Variants in DOK6 observed in about 807,000 individuals in gnomAD.
The protein encoded by DOK6 is downstream of tyrosine kinase 6.
A neutral mutation model predicts 44.0 loss-of-function variants in DOK6; 22 were observed. The observed-to-expected ratio is 0.50, with a 90% CI of 0.36 to 0.71. The LOEUF (loss-of-function observed/expected upper bound fraction) is 0.71. Ranked by LOEUF, DOK6 falls within the 30% of genes least tolerant of loss-of-function variation. The pLI is 0.00. For missense variants in DOK6, 340 were observed against 416.4 expected, an observed-to-expected ratio of 0.82 and a Z score of 1.60; for synonymous variants, 166 against 145.5, an observed-to-expected ratio of 1.14 and a Z score of -1.01.
intron 1 of DOK6, among the ~76,000 whole-genome samples, chr18:69,538,944 C>T (rs562551390): frequency 3.9e-5 from 6 of 152,168 alleles, no homozygotes; most frequent in South Asian, 2.1e-4. Context: ...TCATCTGTAA[C>T]GTGGAAATAA....
rs1986774964 is a variant in DOK6 at position 69,712,217 on chromosome 18, C to T, written c.599+13624C>T. On this transcript the variant is annotated intron_variant, in intron 5 of 7. Transcript: ENST00000382713. The stretch of plus-strand genomic sequence containing the variant: ...AATGGCGTGAATCCGGGAGGCAGAG[C>T]TTGCAGTGAGCCGAGATCCCGCCAC... Among the ~76,000 whole-genome samples, 6 of 121,102 alleles carry T rather than the reference C, an allele frequency of 5.0e-5. No homozygotes were observed. The South Asian group carries it at 1.7e-3, about 35-fold the overall frequency. 79.4% of individuals were successfully genotyped at this position (121,102 alleles called of 152,430 possible).
At chr18:69,659,289 T>G (rs1985448311) in intron 3 of DOK6, among the ~76,000 whole-genome samples, 1 of 152,250 alleles carries the variant, frequency 6.6e-6, no homozygotes, top group Admixed American at 6.5e-5. Context: ...CAAAAGTCAC[T>G]GCTGTGCACG....
chr18:69,646,900 C>T (rs1243417313), intron 3 of DOK6, among the ~76,000 whole-genome samples: 3 of 152,154 alleles, frequency 2.0e-5, no homozygotes, highest in African/African-American at 7.2e-5. Flanking sequence ...GATTAATTGT[C>T]CCACATTGCT....
chr18:69,520,942 C>T (rs1981668040), intron 1 of DOK6, among the ~76,000 whole-genome samples: 1 of 151,806 alleles, frequency 6.6e-6, no homozygotes, highest in Admixed American at 6.6e-5. Flanking sequence ...TTCAACTGTG[C>T]ATGTTTGTCT....
At chr18:69,658,485 C>T (rs571311943) in intron 3 of DOK6, among the ~76,000 whole-genome samples, 3 of 152,250 alleles carry the variant, frequency 2.0e-5, no homozygotes, top group Admixed American at 1.3e-4. Flanking sequence ...AGTATGTTGA[C>T]AATAATTACT....
intron 7 of DOK6, among the ~76,000 whole-genome samples, chr18:69,839,901 C>A (rs1311424213): frequency 6.6e-6 from 1 of 152,202 alleles, no homozygotes; most frequent in Non-Finnish European, 1.5e-5. Flanking sequence ...TGGACAGCAA[C>A]AGAATCCAGG....
intron 7 of DOK6, among the ~76,000 whole-genome samples, chr18:69,822,779 A>G (rs576837322): frequency 1.3e-5 from 2 of 152,294 alleles, no homozygotes; most frequent in South Asian, 4.1e-4. Flanking sequence ...TTCTCACTAA[A>G]TCTGCATCTG....
At chr18:69,423,576 A>G (rs1978555725) in intron 1 of DOK6, among the ~76,000 whole-genome samples, 1 of 152,180 alleles carries the variant, frequency 6.6e-6, no homozygotes, top group African/African-American at 2.4e-5. Context: ...GCATGTATAC[A>G]TGTTTCTCCA....
At chr18:69,662,348 T>G (rs1431578757) in intron 3 of DOK6, 2 of 152,244 alleles carry the variant, frequency 1.3e-5, no homozygotes, top group African/African-American at 2.4e-5. Flanking sequence ...TTTGAGGCTT[T>G]CACACTTTAC....
chr18:69,749,404 A>G (rs1457989311), intron 6 of DOK6, among the ~76,000 whole-genome samples: 1 of 152,180 alleles, frequency 6.6e-6, no homozygotes, highest in Non-Finnish European at 1.5e-5. Context: ...ATAATGCAAT[A>G]TTTATTACTA....
At chr18:69,479,269 T>A (rs1322118712) in intron 1 of DOK6, among the ~76,000 whole-genome samples, 1 of 152,052 alleles carries the variant, frequency 6.6e-6, no homozygotes, top group East Asian at 1.9e-4. Flanking sequence ...GTTGAAAATA[T>A]GAGAATAAAA....
At chr18:69,673,443 T>C (rs1190934378) in intron 3 of DOK6, among the ~76,000 whole-genome samples, 1 of 152,210 alleles carries the variant, frequency 6.6e-6, no homozygotes, top group Non-Finnish European at 1.5e-5. Context: ...AAAATAGCAC[T>C]GCATCAGTCC....
intron 1 of DOK6, among the ~76,000 whole-genome samples, chr18:69,520,437 T>C (rs893014438): frequency 6.6e-6 from 1 of 151,846 alleles, no homozygotes; most frequent in African/African-American, 2.4e-5. Flanking sequence ...TTTCTTTGAA[T>C]CACTGATAGT....
intron 3 of DOK6, among the ~76,000 whole-genome samples, chr18:69,626,441 C>G (rs753207376): frequency 6.6e-5 from 10 of 152,082 alleles, no homozygotes; most frequent in Non-Finnish European, 1.0e-4. Flanking sequence ...AAAATACATA[C>G]TAAAAGTCAA....
intron 1 of DOK6, among the ~76,000 whole-genome samples, chr18:69,410,739 A>G (rs1978302547): frequency 6.6e-6 from 1 of 152,202 alleles, no homozygotes; most frequent in African/African-American, 2.4e-5. Flanking sequence ...TAATTTGTGT[A>G]TTCTCATCTA....
chr18:69,702,154 T>A (rs199790573), intron 5 of DOK6, among the ~76,000 whole-genome samples: 103 of 149,104 alleles, frequency 6.9e-4, no homozygotes, highest in East Asian at 6.9e-3. Context: ...TTTTTTTTTT[T>A]AAATATCATT....
At chr18:69,693,716 C>T (rs1474809952) in intron 4 of DOK6, among the ~76,000 whole-genome samples, 1 of 152,140 alleles carries the variant, frequency 6.6e-6, no homozygotes, top group Non-Finnish European at 1.5e-5. Context: ...TTACCTCCAC[C>T]TGCCAGTCTC....
intron 5 of DOK6, among the ~76,000 whole-genome samples, chr18:69,727,236 AC>A (rs531863742): frequency 1.2e-3 from 188 of 152,132 alleles, no homozygotes; most frequent in Middle Eastern, 6.8e-3. Context: ...CAAAGGCCAC[AC>A]CTCTCACTAC....
At chr18:69,455,828 G>T (rs1979619558) in intron 1 of DOK6, among the ~76,000 whole-genome samples, 1 of 152,118 alleles carries the variant, frequency 6.6e-6, no homozygotes, top group Admixed American at 6.6e-5. Context: ...AAAGCTAAAT[G>T]ATGGGCAATT....
Sources: gnomAD v4.1 joint callset for allele counts (sites outside exome capture counted in the v4.1 genomes callset) on GRCh38, gnomAD v4.1.1 for gene constraint, MANE v1.5 for transcripts, NCBI Gene and HGNC (gene_info 2026-07-23, HGNC 2026-07-21) for gene names.